FAM227A: variants seen among roughly 807,000 people sequenced by gnomAD.
The protein encoded by FAM227A is protein FAM227A.
Under a neutral mutation model 74.7 loss-of-function variants are expected in FAM227A, and 80 were observed. That is an observed-to-expected ratio of 1.07 (90% CI 0.89 to 1.29). The LOEUF (loss-of-function observed/expected upper bound fraction) is 1.29, where lower values mean the gene tolerates loss of function less well. Ranked by LOEUF, FAM227A falls within the 50% of genes most tolerant of loss-of-function variation. The probability of loss-of-function intolerance (pLI) is 0.00; values close to 1 mark genes in which losing one functional copy is unlikely to be tolerated. For synonymous variants in FAM227A, 237 were observed against 241.8 expected (o/e 0.98, Z 0.19); for missense variants, 654 against 683.4 (o/e 0.96, Z 0.48).
rs1014060000 is a variant in FAM227A, at chr22:38,582,156, T to G, written c.*3969A>C. On this transcript the variant is annotated 3_prime_UTR_variant, in exon 17 of 17. Transcript: ENST00000535113. ...CATGAGCCATTCACCACAATCAAGA[T>G]AGTAGACATATCTGTCACCCCCAAA... 6.6e-6 allele frequency: 4 copies of G among 603,480 alleles called. No homozygotes were observed. The highest frequency in any genetic ancestry group is 5.6e-5 in the African/African-American group (3 of 53,852). The allele number at this position is 603,480 out of a possible 1,614,324, so 37.4% of individuals were successfully genotyped here. A position where few individuals can be genotyped will look rare whatever the true frequency, so the allele number is the denominator to read the frequency against.
intron 15 of FAM227A, among the ~76,000 whole-genome samples, chr22:38,595,046 C>T (rs1319640051): frequency 2.0e-5 from 3 of 152,006 alleles, no homozygotes; most frequent in African/African-American, 2.4e-5. Flanking sequence ...TGCAGTGAGC[C>T]GAGATTGCAC....
intron 6 of FAM227A, 78 bp from the exon 7 acceptor site, chr22:38,629,013 T>A: frequency 1.1e-6 from 1 of 932,306 alleles, no homozygotes; most frequent in South Asian, 1.6e-5. Context: ...TATTTTAGAA[T>A]GAACAGAAAA....
chr22:38,591,190 G>A (rs1442690929), intron 16 of FAM227A, among the ~76,000 whole-genome samples: 1 of 152,264 alleles, frequency 6.6e-6, no homozygotes, highest in East Asian at 1.9e-4. Context: ...TGGGCATGGT[G>A]GCACACACCT....
intron 13 of FAM227A, among the ~76,000 whole-genome samples, chr22:38,603,248 G>A (rs1315475977): frequency 6.6e-6 from 1 of 152,066 alleles, no homozygotes; most frequent in Non-Finnish European, 1.5e-5. Flanking sequence ...ATCCCTTTGG[G>A]AGGCCAAGGT....
At chr22:38,613,318 ATATAT>A (rs2091489551) in intron 11 of FAM227A, among the ~76,000 whole-genome samples, 2 of 79,366 alleles carry the variant, frequency 2.5e-5, no homozygotes, top group South Asian at 6.4e-4. Context: ...ATAACATATA[ATATAT>A]ATCATATATA....
At chr22:38,594,202 G>T (rs1204202313) in intron 15 of FAM227A, among the ~76,000 whole-genome samples, 1 of 152,128 alleles carries the variant, frequency 6.6e-6, no homozygotes, top group Non-Finnish European at 1.5e-5. Flanking sequence ...ACGTTTTGGA[G>T]TCTGGCCACT....
Position 38,628,188 on chromosome 22 carries a change from T to C in FAM227A, c.726+50A>G, listed in dbSNP as rs879140179. The C allele has an allele frequency of 1.0e-5, 11 of 1,086,804 alleles. 1 individual carries two copies. The South Asian group carries it at 1.4e-4, about 13-fold the overall frequency. 67.3% of individuals were successfully genotyped at this position (1,086,804 alleles called of 1,614,324 possible). A position where few individuals can be genotyped will look rare whatever the true frequency, so the allele number is the denominator to read the frequency against. On this transcript the variant is annotated intron_variant, in intron 8 of 16. Transcript: ENST00000535113. ...TAAGACATTCTCTTGGCATCAGAAA[T>C]GAACAGAAATCTAATGTGACTTTTT...
At chr22:38,597,984 G>A (rs935600613) in intron 14 of FAM227A, among the ~76,000 whole-genome samples, 11 of 146,136 alleles carry the variant, frequency 7.5e-5, no homozygotes, top group Admixed American at 1.4e-4. Flanking sequence ...CGGAAGTTGC[G>A]GTGAGCCGAA....
intron 11 of FAM227A, among the ~76,000 whole-genome samples, chr22:38,613,144 TATTA>T (rs2091466524): frequency 1.2e-5 from 1 of 86,016 alleles, no homozygotes. Flanking sequence ...ATAATATATA[TATTA>T]TATATTATAT....
intron 11 of FAM227A, among the ~76,000 whole-genome samples, chr22:38,613,069 ATAT>A (rs1290913459): frequency 5.5e-4 from 56 of 102,602 alleles, no homozygotes; most frequent in Non-Finnish European, 8.9e-4. Flanking sequence ...ATATGTAAAT[ATAT>A]TATATATAAT....
In FAM227A at chr22:38,580,318, A is replaced by G. The variant is rs183429654; in HGVS notation, c.*5807T>C. On this transcript the variant is annotated 3_prime_UTR_variant, in exon 17 of 17. Transcript: ENST00000535113. ...AAAAAAATGAAGTCATTTGCCCTGG[A>G]GTTTTCCATGGCCTGGATTTTGCTG... 8.5e-5 allele frequency: 13 copies of G among 152,140 alleles called. No homozygotes were observed. Among genetic ancestry groups the G allele is most frequent in the African/African-American group, 2.9e-4 (12 of 41,504 alleles). The allele number at this position is 152,140 out of a possible 1,614,324, so 9.4% of individuals were successfully genotyped here.
chr22:38,627,214 T>C (rs945611454), intron 8 of FAM227A, among the ~76,000 whole-genome samples: 1 of 152,016 alleles, frequency 6.6e-6, no homozygotes, highest in African/African-American at 2.4e-5. Flanking sequence ...AGTATATATG[T>C]GTAGTCACAT....
chr22:38,616,942 G>A (rs1315338685), intron 11 of FAM227A, among the ~76,000 whole-genome samples: 2 of 152,094 alleles, frequency 1.3e-5, no homozygotes, highest in Admixed American at 1.3e-4. Context: ...TGCAGAGGGG[G>A]GCAGGCTGTC....
intron 1 of FAM227A, among the ~76,000 whole-genome samples, chr22:38,651,479 G>A (rs1308799584): frequency 6.6e-6 from 1 of 152,052 alleles, no homozygotes; most frequent in East Asian, 1.9e-4. Context: ...CTGGATTCAA[G>A]CCTCCCGTGT....
intron 6 of FAM227A, among the ~76,000 whole-genome samples, chr22:38,635,109 T>C (rs2091977824): frequency 6.6e-6 from 1 of 150,814 alleles, no homozygotes; most frequent in South Asian, 2.1e-4. Flanking sequence ...CTGGGTGTGG[T>C]GGCACATGCC....
intron 3 of FAM227A, among the ~76,000 whole-genome samples, chr22:38,640,348 A>T (rs1217524280): frequency 6.6e-6 from 1 of 152,144 alleles, no homozygotes; most frequent in East Asian, 1.9e-4. Flanking sequence ...TAGGGTTCTT[A>T]TAAGGGTCAA....
At position 38,583,775 on chromosome 22, in the gene FAM227A, T is replaced by G. The variant is rs1215229388; in HGVS notation, c.*2350A>C. 1.3e-5 allele frequency: 2 copies of G among 152,200 alleles called. No homozygotes were observed. The highest frequency in any genetic ancestry group is 4.8e-5 in the African/African-American group (2 of 41,442). 9.4% of individuals were successfully genotyped at this position (152,200 alleles called of 1,614,324 possible). A position where few individuals can be genotyped will look rare whatever the true frequency, so the allele number is the denominator to read the frequency against. ...TACCTTTCCTTCATCCCCTTTTACA[T>G]GAGTAATAGCCTCCAAGGGGGTCAC... On this transcript the variant is annotated 3_prime_UTR_variant, in exon 17 of 17. Transcript: ENST00000535113.
chr22:38,639,696 T>G lies in FAM227A; in HGVS notation c.254A>C (p.Lys85Thr), dbSNP rs1200215239. 2 of 1,551,860 alleles carry G rather than the reference T, an allele frequency of 1.3e-6. No individual in the cohort carries two copies. Among genetic ancestry groups the G allele is most frequent in the Admixed American group, 2.0e-5 (1 of 51,006 alleles). The change falls in exon 4 of 17, where the codon AAG becomes ACG. Residue 85 changes from lysine (K) to threonine (T), a missense_variant. Lys to Thr is a moderately conservative substitution (Grantham distance 78). Coordinates refer to ENST00000535113, the MANE Select transcript of FAM227A (RefSeq NM_001013647.2). ...GCTGCGAGTTTTCTCTCTTAAAGCC[T>G]TCTTCTCCAACTCAAATCTCTCAAT... ...LAIERFELEK[K>T]ALREKTRSSP...
intron 2 of FAM227A, among the ~76,000 whole-genome samples, chr22:38,648,750 A>G (rs1037555037): frequency 4.6e-5 from 7 of 151,974 alleles, no homozygotes; most frequent in Non-Finnish European, 1.0e-4. Flanking sequence ...AGGTGGGTGG[A>G]CCACCTGAGG....
Sources: gnomAD v4.1 joint callset for allele counts (sites outside exome capture counted in the v4.1 genomes callset) on GRCh38, gnomAD v4.1.1 for gene constraint, MANE v1.5 for transcripts, NCBI Gene and HGNC (gene_info 2026-07-23, HGNC 2026-07-21) for gene names.